FBXO4: variants seen among roughly 807,000 people sequenced by gnomAD.
FBXO4 encodes the protein F-box protein 4.
Under a neutral mutation model 43.7 loss-of-function variants are expected in FBXO4, and 36 were observed. That is an observed-to-expected ratio of 0.82 (90% CI 0.63 to 1.09). The LOEUF is 1.09. Ranked by LOEUF, FBXO4 falls within the 50% of genes least tolerant of loss-of-function variation. FBXO4 has a pLI of 0.00. For synonymous variants in FBXO4, 180 were observed against 165.6 expected (o/e 1.09, Z -0.67); for missense variants, 435 against 474.1 (o/e 0.92, Z 0.77).
chr5:41,953,558 T>C, the FBXO4 span, among the ~76,000 whole-genome samples: 3 of 151,028 alleles, frequency 2.0e-5, no homozygotes, highest in Admixed American at 6.6e-5. Flanking sequence ...TCTAGATCCC[T>C]GAGGAATCGC....
At chr5:41,989,648 CT>C in the FBXO4 span, among the ~76,000 whole-genome samples, 1 of 152,104 alleles carries the variant, frequency 6.6e-6, no homozygotes, top group Non-Finnish European at 1.5e-5. Context: ...TATATGCTTA[CT>C]GTTATTTCTT....
At chr5:42,023,205 A>T in the FBXO4 span, among the ~76,000 whole-genome samples, 1 of 152,104 alleles carries the variant, frequency 6.6e-6, no homozygotes, top group Non-Finnish European at 1.5e-5. Flanking sequence ...GTTATAATAG[A>T]ATTGAGATTC....
chr5:42,013,376 TA>T, the FBXO4 span, among the ~76,000 whole-genome samples: 116 of 152,268 alleles, frequency 7.6e-4, no homozygotes, highest in Middle Eastern at 3.4e-3. Context: ...AAGTTGAACA[TA>T]TTTCTTTTCA....
At chr5:42,015,209 C>A in the FBXO4 span, among the ~76,000 whole-genome samples, 4 of 152,302 alleles carry the variant, frequency 2.6e-5, no homozygotes, top group Admixed American at 2.6e-4. Flanking sequence ...AAATACTATT[C>A]TTTGAAAAAG....
chr5:42,010,748 T>C, the FBXO4 span, among the ~76,000 whole-genome samples: 1 of 152,144 alleles, frequency 6.6e-6, no homozygotes, highest in African/African-American at 2.4e-5. Context: ...TAATTCTGTT[T>C]AATATTTTGA....
the FBXO4 span, among the ~76,000 whole-genome samples, chr5:41,949,620 G>A: frequency 7.0e-3 from 1,066 of 152,040 alleles, 11 homozygotes; most frequent in African/African-American, 0.024. Context: ...AATCAATATC[G>A]TGAAAATGGC....
chr5:42,035,578 C>A, the FBXO4 span, among the ~76,000 whole-genome samples: 3 of 152,092 alleles, frequency 2.0e-5, no homozygotes, highest in African/African-American at 7.2e-5. Context: ...TCAATGTTTT[C>A]CTTTAAATGA....
At chr5:41,942,539 T>TGAG (rs1579989788), downstream of FBXO4, among the ~76,000 whole-genome samples, 3 of 152,110 alleles carry the variant, frequency 2.0e-5, no homozygotes, top group East Asian at 5.8e-4. Context: ...ACTAGTACCT[T>TGAG]ATGCTCTTTT....
chr5:41,966,135 C>G, the FBXO4 span, among the ~76,000 whole-genome samples: 2 of 151,904 alleles, frequency 1.3e-5, no homozygotes, highest in Non-Finnish European at 2.9e-5. Context: ...CATCACACAC[C>G]AGGGCCTGTT....
At chr5:42,005,508 C>T in the FBXO4 span, among the ~76,000 whole-genome samples, 1 of 152,174 alleles carries the variant, frequency 6.6e-6, no homozygotes, top group African/African-American at 2.4e-5. Flanking sequence ...CCTAACTCAG[C>T]TGATATTCTC....
chr5:41,967,678 G>A, the FBXO4 span: 3 of 668,540 alleles, frequency 4.5e-6, no homozygotes, highest in African/African-American at 3.6e-5. Context: ...CTGGTATACG[G>A]AATACTGGTC....
the FBXO4 span, among the ~76,000 whole-genome samples, chr5:42,032,095 G>T: frequency 6.8e-6 from 1 of 147,916 alleles, no homozygotes; most frequent in Non-Finnish European, 1.5e-5. Flanking sequence ...GTGTGTGTGT[G>T]TGTGTTCTGG....
chr5:41,964,784 C>T, the FBXO4 span, among the ~76,000 whole-genome samples: 2 of 151,840 alleles, frequency 1.3e-5, no homozygotes, highest in Non-Finnish European at 2.9e-5. Context: ...TGGATATTAG[C>T]CCTTTGTCAG....
the FBXO4 span, among the ~76,000 whole-genome samples, chr5:42,030,645 G>T: frequency 1.3e-5 from 2 of 151,740 alleles, no homozygotes; most frequent in East Asian, 2.0e-4. Context: ...CACAGCAAAA[G>T]AAACTACCAT....
At chr5:42,013,240 A>G in the FBXO4 span, among the ~76,000 whole-genome samples, 1 of 152,142 alleles carries the variant, frequency 6.6e-6, no homozygotes, top group African/African-American at 2.4e-5. Flanking sequence ...CAATTGCACT[A>G]CTGCACTCCA....
chr5:42,019,848 C>T, the FBXO4 span, among the ~76,000 whole-genome samples: 3 of 151,990 alleles, frequency 2.0e-5, no homozygotes, highest in Middle Eastern at 3.4e-3. Flanking sequence ...GTATATATTA[C>T]ACTTATTTTA....
At chr5:41,931,044 G>A (rs1237660669) in intron 3 of FBXO4, among the ~76,000 whole-genome samples, 1 of 152,224 alleles carries the variant, frequency 6.6e-6, no homozygotes, top group African/African-American at 2.4e-5. Context: ...GGAGCTATGT[G>A]AAAAGACACA....
Position 41,927,178 on chromosome 5 carries a change from C to T in FBXO4, c.355C>T (p.Pro119Ser), listed in dbSNP as rs1254301856. Reference protein sequence around the residue: ...SWSSVDWKSLPDLEILKKPIS... With the variant: ...SWSSVDWKSLSDLEILKKPIS... ...GTCTTCTGTTGACTGGAAGTCTCTT[C>T]CAGATCTAGAAATCTTAAAAAAGCC... Residue 119 changes from proline to serine, a missense_variant, in exon 2 of 7, where the codon CCA (proline) becomes TCA (serine). Transcript: ENST00000281623. The T allele has an allele frequency of 9.9e-6, 16 of 1,613,648 alleles. No individual in the cohort carries two copies. The highest frequency in any genetic ancestry group is 1.4e-5 in the Non-Finnish European group (16 of 1,179,926).
chr5:42,012,703 G>A, the FBXO4 span, among the ~76,000 whole-genome samples: 1 of 152,128 alleles, frequency 6.6e-6, no homozygotes, highest in Non-Finnish European at 1.5e-5. Flanking sequence ...AGAAGTCAGT[G>A]CTGTCTGTGA....
Sources: allele counts gnomAD v4.1 joint callset (sites outside exome capture counted in the v4.1 genomes callset), GRCh38; gene constraint gnomAD v4.1.1; transcripts MANE v1.5; gene names NCBI Gene and HGNC (gene_info 2026-07-23, HGNC 2026-07-21).